ITGA8: variants seen among roughly 807,000 people sequenced by gnomAD.
ITGA8 encodes the protein integrin subunit alpha 8.
In ITGA8, 91 loss-of-function variants were observed where a neutral mutation model predicts 142.3. That is an observed-to-expected ratio of 0.64 (90% CI 0.54 to 0.76). ITGA8 has a LOEUF of 0.76. Ranked by LOEUF, ITGA8 falls within the 30% of genes least tolerant of loss-of-function variation. The pLI, the probability that ITGA8 is intolerant of heterozygous loss-of-function variation, is 0.00. For synonymous variants in ITGA8, 505 were observed against 485.2 expected (o/e 1.04, Z -0.54); for missense variants, 1,406 against 1,327.7 (o/e 1.06, Z -0.92).
intron 22 of ITGA8, among the ~76,000 whole-genome samples, chr10:15,590,510 C>T (rs1338366524): frequency 3.9e-5 from 6 of 152,120 alleles, no homozygotes; most frequent in Non-Finnish European, 8.8e-5. Flanking sequence ...TGTATCTTTC[C>T]ACAGGTGACA....
chr10:15,672,787 G>A (rs1179361504), intron 6 of ITGA8, 38 bp from the exon 7 acceptor site: 6 of 1,537,148 alleles, frequency 3.9e-6, no homozygotes, highest in East Asian at 2.4e-5. Context: ...CTGAATGAAA[G>A]CAAGAGGCAG....
chr10:15,545,356 G>C (rs73598783), intron 27 of ITGA8, among the ~76,000 whole-genome samples: 8,435 of 152,212 alleles, frequency 0.055, 758 homozygotes, highest in African/African-American at 0.19. Flanking sequence ...TTGCTCCACT[G>C]TTTTGCCCTA....
intron 2 of ITGA8, among the ~76,000 whole-genome samples, chr10:15,690,965 C>T (rs952272508): frequency 2.0e-5 from 3 of 152,132 alleles, no homozygotes; most frequent in African/African-American, 7.2e-5. Flanking sequence ...AAGGGGCTAA[C>T]ATCTAAAATA....
intron 26 of ITGA8, among the ~76,000 whole-genome samples, chr10:15,548,827 G>A (rs1487729283): frequency 1.3e-5 from 2 of 152,110 alleles, no homozygotes; most frequent in African/African-American, 4.8e-5. Flanking sequence ...CAATTTAATT[G>A]TTCTGTTTCA....
intron 8 of ITGA8, among the ~76,000 whole-genome samples, chr10:15,670,865 C>T (rs74124279): frequency 0.039 from 6,000 of 152,226 alleles, 366 homozygotes; most frequent in African/African-American, 0.13. Context: ...CAAAGTCTGG[C>T]AGTCAAGCTG....
intron 13 of ITGA8, among the ~76,000 whole-genome samples, chr10:15,631,788 C>T (rs1328872269): frequency 1.3e-5 from 2 of 150,864 alleles, no homozygotes; most frequent in Non-Finnish European, 1.5e-5. Context: ...CTTCTAGCCC[C>T]ACCCCCCCCA....
chr10:15,566,491 G>A (rs1320669241), intron 25 of ITGA8, among the ~76,000 whole-genome samples: 1 of 152,036 alleles, frequency 6.6e-6, no homozygotes, highest in Non-Finnish European at 1.5e-5. Flanking sequence ...ACACTTAGCT[G>A]TCTATTACAA....
chr10:15,532,345 G>C lies in ITGA8; in HGVS notation c.2881-1194C>G, dbSNP rs546913836. Among the ~76,000 whole-genome samples the C allele has an allele frequency of 3.4e-5, 5 of 147,862 alleles. No homozygotes were observed. The East Asian group carries it at 1.0e-3, about 30-fold the overall frequency. On this transcript the variant is annotated intron_variant, in intron 27 of 29. Transcript: ENST00000378076. Reference sequence around the variant, plus strand: ...GAGGCGGGAGAGTTGCTTGAACCTGGGAGGCGGAGGTTGCAGTGAGCCGAG... The same window carrying C: ...GAGGCGGGAGAGTTGCTTGAACCTGCGAGGCGGAGGTTGCAGTGAGCCGAG...
chr10:15,686,909 C>A (rs1303059653), intron 3 of ITGA8, among the ~76,000 whole-genome samples: 1 of 152,076 alleles, frequency 6.6e-6, no homozygotes, highest in African/African-American at 2.4e-5. Context: ...AATTTCAAGA[C>A]ACACAAAAAA....
At position 15,552,851 on chromosome 10, in the gene ITGA8, A is replaced by G. The variant is rs145278942; in HGVS notation, c.2767-4283T>C. ...TCAATTGTTTTCTGTTCTATTGTAC[A>G]CCATGGAAGCTTTTTAAAAATGATA... On this transcript the variant is annotated intron_variant, in intron 26 of 29. Transcript: ENST00000378076. 8.6e-4 allele frequency among the ~76,000 whole-genome samples: 131 copies of G among 151,884 alleles called. No homozygotes were observed. In the East Asian group the frequency reaches 0.015, roughly 18 times the overall value.
chr10:15,679,383 G>C (rs563225572), intron 4 of ITGA8, among the ~76,000 whole-genome samples: 70 of 152,214 alleles, frequency 4.6e-4, no homozygotes, highest in African/African-American at 1.6e-3. Context: ...AAGAGATTGA[G>C]ACCATCCTGG....
chr10:15,535,949 G>A (rs1309319101), intron 27 of ITGA8, among the ~76,000 whole-genome samples: 1 of 151,830 alleles, frequency 6.6e-6, no homozygotes, highest in Non-Finnish European at 1.5e-5. Flanking sequence ...AACCCACCGG[G>A]AGGAACGAAT....
intron 27 of ITGA8, among the ~76,000 whole-genome samples, chr10:15,535,664 C>G (rs1833415600): frequency 6.6e-6 from 1 of 152,122 alleles, no homozygotes; most frequent in African/African-American, 2.4e-5. Context: ...TGTAAACGCA[C>G]CAATCAGCAC....
chr10:15,662,951 T>G (rs902544281), intron 8 of ITGA8, among the ~76,000 whole-genome samples: 2 of 152,196 alleles, frequency 1.3e-5, no homozygotes, highest in African/African-American at 4.8e-5. Context: ...TTTTGAGTCA[T>G]GAACGTGTAT....
chr10:15,589,853 G>T (rs924501240), intron 22 of ITGA8, among the ~76,000 whole-genome samples: 1 of 147,932 alleles, frequency 6.8e-6, no homozygotes, highest in East Asian at 2.0e-4. Flanking sequence ...ACCTCTGCCT[G>T]CCAGGTTCAA....
intron 5 of ITGA8, 29 bp from the exon 6 acceptor site, chr10:15,677,666 A>G (rs542487019): frequency 1.3e-5 from 21 of 1,599,312 alleles, no homozygotes; most frequent in South Asian, 6.7e-5. Context: ...AACAGCAACC[A>G]TAATTGGAAA....
intron 2 of ITGA8, among the ~76,000 whole-genome samples, chr10:15,705,842 T>TG (rs1242178149): frequency 6.6e-6 from 1 of 152,208 alleles, no homozygotes; most frequent in Non-Finnish European, 1.5e-5. Context: ...TTTACCTAAC[T>TG]GGTGGCTCCT....
chr10:15,541,355 G>T (rs80241416), intron 27 of ITGA8, among the ~76,000 whole-genome samples: 8,416 of 152,248 alleles, frequency 0.055, 757 homozygotes, highest in African/African-American at 0.19. Context: ...GCATCACTTT[G>T]GCATCTCAAA....
intron 8 of ITGA8, among the ~76,000 whole-genome samples, chr10:15,669,786 C>T (rs921420977): frequency 6.6e-6 from 1 of 152,156 alleles, no homozygotes; most frequent in Non-Finnish European, 1.5e-5. Context: ...CACTCCAGAC[C>T]CTGTTTTCCT....
Sources: gnomAD v4.1 joint callset for allele counts (sites outside exome capture counted in the v4.1 genomes callset) on GRCh38, gnomAD v4.1.1 for gene constraint, MANE v1.5 for transcripts, NCBI Gene and HGNC (gene_info 2026-07-23, HGNC 2026-07-21) for gene names.